PLSCR4: variants seen among roughly 807,000 people sequenced by gnomAD.
PLSCR4 encodes the protein Ca(2+)-dependent phospholipid scramblase 4.
Under a neutral mutation model 36.3 loss-of-function variants are expected in PLSCR4, and 25 were observed. The observed-to-expected ratio is 0.69, with a 90% confidence interval of 0.50 to 0.96. The LOEUF is 0.96. PLSCR4 is among the 40% of genes least tolerant of loss of function. The pLI is 0.00. For synonymous variants in PLSCR4, 122 were observed against 132.9 expected, an observed-to-expected ratio of 0.92 and a Z score of 0.56; for missense variants, 408 against 414.7, an observed-to-expected ratio of 0.98 and a Z score of 0.14.
At chr3:146,229,813 A>C in intron 1 of PLSCR4, among the ~76,000 whole-genome samples, 1 of 151,576 alleles carries the variant, frequency 6.6e-6, no homozygotes, top group African/African-American at 2.4e-5. Context: ...TTTAGTAGAG[A>C]TGGGGTTTCA....
At chr3:146,196,840 A>G (rs1385985085) in intron 6 of PLSCR4, 47 bp from the exon 7 acceptor site, 8 of 1,535,470 alleles carry the variant, frequency 5.2e-6, no homozygotes, top group Non-Finnish European at 7.2e-6. Flanking sequence ...ATGCATACAC[A>G]TACACTTACA....
At chr3:146,238,787 C>T (rs567550845) in intron 1 of PLSCR4, among the ~76,000 whole-genome samples, 61 of 151,840 alleles carry the variant, frequency 4.0e-4, no homozygotes, top group Admixed American at 9.8e-4. Context: ...GGATGTTCTA[C>T]CCAGAGTGAT....
At chr3:146,202,510 T>C (rs1167938524) in intron 4 of PLSCR4, among the ~76,000 whole-genome samples, 1 of 152,070 alleles carries the variant, frequency 6.6e-6, no homozygotes, top group African/African-American at 2.4e-5. Flanking sequence ...GTCACAATCC[T>C]CTTGCTGGTA....
At chr3:146,204,443 G>A (rs35499991) in intron 4 of PLSCR4, among the ~76,000 whole-genome samples, 48,211 of 151,662 alleles carry the variant, frequency 0.32, 8,430 homozygotes, top group South Asian at 0.45. Flanking sequence ...CTAACAATCT[G>A]GTAAGGTAGG....
At chr3:146,220,295 G>A (rs540717615) in intron 3 of PLSCR4, among the ~76,000 whole-genome samples, 5 of 151,980 alleles carry the variant, frequency 3.3e-5, no homozygotes, top group Admixed American at 2.6e-4. Context: ...AAAAATATTT[G>A]CCAGAAAGAT....
Position 146,220,844 on chromosome 3 carries a change from G to A in PLSCR4, c.89C>T (p.Pro30Leu), listed in dbSNP as rs1165691093. The change falls in exon 3 of 9, where the codon CCT becomes CTT. Residue 30 changes from proline (P) to leucine (L), a missense_variant. Pro to Leu is a moderately conservative substitution (Grantham distance 98). Transcript: ENST00000354952. ...TAAAAAATGAGAATTGTATTCAGGA[G>A]GAGCATCAGGCCTTGGATCTGGTGG... ...TKPPDPRPDA[P>L]PEYNSHFLPG... The A allele has an allele frequency of 1.2e-6, 2 of 1,611,574 alleles. No individual in the cohort carries two copies. Among genetic ancestry groups the A allele is most frequent in the Non-Finnish European group, 1.7e-6 (2 of 1,177,898 alleles).
At chr3:146,200,350 A>G (rs2033977202) in intron 5 of PLSCR4, among the ~76,000 whole-genome samples, 1 of 152,090 alleles carries the variant, frequency 6.6e-6, no homozygotes, top group South Asian at 2.1e-4. Flanking sequence ...TTAATTATAA[A>G]ACCATTTAAA....
At chr3:146,238,070 T>A (rs755686675) in intron 1 of PLSCR4, among the ~76,000 whole-genome samples, 1 of 151,812 alleles carries the variant, frequency 6.6e-6, no homozygotes, top group Non-Finnish European at 1.5e-5. Flanking sequence ...AACTACCATA[T>A]GCCAATTAGA....
At chr3:146,200,167 A>T (rs899306690) in intron 5 of PLSCR4, 128 bp from the exon 6 acceptor site, 27 of 620,250 alleles carry the variant, frequency 4.4e-5, no homozygotes, top group Admixed American at 3.1e-4. Flanking sequence ...AATATGTAGA[A>T]TTGATTAGAG....
At chr3:146,222,685 G>C (rs185271141) in intron 1 of PLSCR4, among the ~76,000 whole-genome samples, 5 of 152,314 alleles carry the variant, frequency 3.3e-5, no homozygotes, top group Admixed American at 1.3e-4. Context: ...ATAAAGGTCT[G>C]ATCTCATCTG....
intron 3 of PLSCR4, among the ~76,000 whole-genome samples, chr3:146,208,567 G>A (rs2034458525): frequency 6.6e-6 from 1 of 151,902 alleles, no homozygotes; most frequent in African/African-American, 2.4e-5. Flanking sequence ...AAATTAGCAA[G>A]AAAATACAAA....
chr3:146,250,117 A>G (rs10460850), intron 1 of PLSCR4, among the ~76,000 whole-genome samples: 54,606 of 152,064 alleles, frequency 0.36, 11,573 homozygotes, highest in Non-Finnish European at 0.47. Flanking sequence ...CAACCATGTC[A>G]CAGAGTGTAA....
rs115317093 is a variant in PLSCR4 at position 146,232,396 on chromosome 3, T to C, written c.-21-10304A>G. ...GTGAAAAATGACATTGGTAGTTTGA[T>C]AGGAATACCATTGAATCTGTACATT... On this transcript the variant is annotated intron_variant, in intron 1 of 8. Transcript: ENST00000354952. 5.7e-3 allele frequency among the ~76,000 whole-genome samples: 861 copies of C among 152,284 alleles called. 9 individuals are homozygous for C. Among genetic ancestry groups the C allele is most frequent in the African/African-American group, 0.02 (816 of 41,580 alleles).
intron 1 of PLSCR4, among the ~76,000 whole-genome samples, chr3:146,247,499 C>G (rs1232074140): frequency 1.3e-5 from 2 of 152,092 alleles, no homozygotes; most frequent in Non-Finnish European, 2.9e-5. Flanking sequence ...TTTCTGTGAA[C>G]TGCCTGTTTG....
rs1037483347 is a variant in PLSCR4, at chr3:146,245,012, G to A, written c.-22+5948C>T. On this transcript the variant is annotated intron_variant, in intron 1 of 8. Coordinates refer to ENST00000354952, the MANE Select transcript of PLSCR4 (RefSeq NM_020353.3). ...TATTAACAGGAGCTTGGAAGAAGTTGATTCCAACCCTCCTGGATGATTTTG... is the reference window on the plus strand; with the variant it reads ...TATTAACAGGAGCTTGGAAGAAGTTAATTCCAACCCTCCTGGATGATTTTG... Among the ~76,000 whole-genome samples the A allele has an allele frequency of 2.2e-4, 33 of 152,052 alleles. 1 individual carries two copies. Among genetic ancestry groups the A allele is most frequent in the African/African-American group, 7.7e-4 (32 of 41,442 alleles).
At chr3:146,200,953 T>C (rs1211439485) in intron 5 of PLSCR4, 82 bp downstream of exon 5, 1 of 857,318 alleles carries the variant, frequency 1.2e-6, no homozygotes, top group African/African-American at 1.8e-5. Flanking sequence ...ACATGATCAA[T>C]ATAAAGAAGG....
chr3:146,203,879 A>G (rs779676179), intron 4 of PLSCR4, among the ~76,000 whole-genome samples: 48 of 152,068 alleles, frequency 3.2e-4, no homozygotes, highest in African/African-American at 1.1e-3. Context: ...ATCACTTTCA[A>G]TTTCCTTCAA....
intron 7 of PLSCR4, among the ~76,000 whole-genome samples, chr3:146,195,575 A>G (rs2033692420): frequency 6.6e-6 from 1 of 152,218 alleles, no homozygotes; most frequent in South Asian, 2.1e-4. Context: ...ATTCTTCTCA[A>G]CATAGTAAAG....
intron 1 of PLSCR4, among the ~76,000 whole-genome samples, chr3:146,231,645 C>CATGT (rs2035719798): frequency 6.6e-6 from 1 of 152,036 alleles, no homozygotes; most frequent in East Asian, 1.9e-4. Context: ...GCCTGTTGAC[C>CATGT]ATGTTTATGT....
Sources: allele counts gnomAD v4.1 joint callset (sites outside exome capture counted in the v4.1 genomes callset), GRCh38; gene constraint gnomAD v4.1.1; transcripts MANE v1.5; gene names NCBI Gene and HGNC (gene_info 2026-07-23, HGNC 2026-07-21).